Variants in JCAD observed in about 807,000 individuals in gnomAD.
The protein encoded by JCAD is junctional cadherin 5 associated.
A neutral mutation model predicts 98.0 loss-of-function variants in JCAD; 40 were observed. The ratio of observed to expected loss-of-function variants is 0.41; its 90% CI spans 0.32 to 0.53. The LOEUF is 0.53. Among genes scored for constraint, JCAD ranks in the 20% least tolerant of loss-of-function variants. The pLI is 0.31. For synonymous variants in JCAD, 691 were observed against 682.3 expected, an observed-to-expected ratio of 1.01 and a Z score of -0.20; for missense variants, 1,705 against 1,738.1, an observed-to-expected ratio of 0.98 and a Z score of 0.34.
intron 1 of JCAD, among the ~76,000 whole-genome samples, chr10:30,084,025 G>T (rs1210909021): frequency 2.0e-5 from 3 of 147,034 alleles, no homozygotes; most frequent in Non-Finnish European, 4.5e-5. Flanking sequence ...AAAAAAGAAA[G>T]AAAGAGAGAG....
chr10:30,069,158 CT>C (rs1301503217), intron 2 of JCAD, among the ~76,000 whole-genome samples: 2 of 152,120 alleles, frequency 1.3e-5, no homozygotes, highest in African/African-American at 4.8e-5. Flanking sequence ...TGAAACATGT[CT>C]GTTGAATAGA....
intron 2 of JCAD, among the ~76,000 whole-genome samples, chr10:30,030,591 C>T (rs1836971557): frequency 6.6e-6 from 1 of 152,170 alleles, no homozygotes; most frequent in South Asian, 2.1e-4. Context: ...CTTTTAAAAA[C>T]ACTGTTTTTA....
At chr10:30,115,042 C>T (rs1838768153) in intron 1 of JCAD, among the ~76,000 whole-genome samples, 1 of 152,170 alleles carries the variant, frequency 6.6e-6, no homozygotes, top group Admixed American at 6.5e-5. Flanking sequence ...AACCTCAGAG[C>T]CACTGCCCCA....
chr10:30,069,623 A>T (rs989239021), intron 2 of JCAD: 2 of 117,952 alleles, frequency 1.7e-5, no homozygotes, highest in African/African-American at 6.8e-5. Flanking sequence ...AAAAAAAAAC[A>T]CTGTATTAAT....
chr10:30,094,042 C>G (rs1313031474), intron 1 of JCAD, among the ~76,000 whole-genome samples: 1 of 152,106 alleles, frequency 6.6e-6, no homozygotes, highest in East Asian at 1.9e-4. Context: ...ATGGTTGATG[C>G]CGCAGGAAGG....
In JCAD at chr10:30,029,401, T is replaced by G; in HGVS notation, c.747A>C (p.Pro249=). 1 of 1,613,796 alleles carries G rather than the reference T, an allele frequency of 6.2e-7. No homozygotes were observed. Among genetic ancestry groups the G allele is most frequent in the East Asian group, 2.2e-5 (1 of 44,846 alleles). The change falls in exon 3 of 4, where the codon CCA becomes CCC. Residue 249 remains proline (P), a synonymous_variant. Transcript: ENST00000375377. ...ESLSCTEIPI[P]LNERHSPKMP... is the part of the protein sequence containing the mutation. ...TTTTAGGTGAATGTCTTTCATTTAATGGAATGGGAATTTCCGTGCAACTCA... is the reference window on the plus strand; with the variant it reads ...TTTTAGGTGAATGTCTTTCATTTAAGGGAATGGGAATTTCCGTGCAACTCA...
At chr10:30,031,221 G>A (rs1179852006) in intron 2 of JCAD, among the ~76,000 whole-genome samples, 1 of 151,918 alleles carries the variant, frequency 6.6e-6, no homozygotes, top group African/African-American at 2.4e-5. Context: ...CAAACTCCTG[G>A]GCTCAAGCAA....
In JCAD at chr10:30,027,049, T is replaced by TGGGA; in HGVS notation, c.3095_3098dup (p.Leu1034ProfsTer6). 6.2e-7 allele frequency: 1 copy of TGGGA among 1,614,154 alleles called. No homozygotes were observed. Among genetic ancestry groups the TGGGA allele is most frequent in the Non-Finnish European group, 8.5e-7 (1 of 1,180,022 alleles). Reference sequence around the variant, plus strand: ...CTCGGTTCTTGTTAGACAGGGACAGTGGGAGCCCTGCCCCCCTCTCTCCAC... The same window carrying TGGGA: ...CTCGGTTCTTGTTAGACAGGGACAGTGGGAGGGAGCCCTGCCCCCCTCTCTCCAC... On this transcript the variant is annotated frameshift_variant, in exon 3 of 4. Transcript: ENST00000375377. LOFTEE classifies it high-confidence loss of function.
chr10:30,104,125 G>A (rs909619366), intron 1 of JCAD, among the ~76,000 whole-genome samples: 1 of 152,202 alleles, frequency 6.6e-6, no homozygotes, highest in Non-Finnish European at 1.5e-5. Flanking sequence ...CTGGGGGCAT[G>A]TGGCTCATTC....
chr10:30,095,153 C>A (rs1477088570), intron 1 of JCAD, among the ~76,000 whole-genome samples: 1 of 152,118 alleles, frequency 6.6e-6, no homozygotes, highest in Non-Finnish European at 1.5e-5. Context: ...ACTCTGGGTC[C>A]TTCCCTGGTT....
chr10:30,028,140 T>TA lies in JCAD; in HGVS notation c.2007dup (p.Thr670TyrfsTer71), dbSNP rs749261480. On this transcript the variant is annotated frameshift_variant, in exon 3 of 4. Coordinates refer to ENST00000375377, the MANE Select transcript of JCAD (RefSeq NM_020848.4). LOFTEE classifies it high-confidence loss of function. ...GAATGCTTGAGTTCTCTGTGCTTTG[T>TA]AAGGTGGATGAAACTGAGGTCATTT... 1 of 1,614,204 alleles carries TA rather than the reference T, an allele frequency of 6.2e-7. No individual in the cohort carries two copies. The highest frequency in any genetic ancestry group is 8.5e-7 in the Non-Finnish European group (1 of 1,180,030).
At position 30,032,849 on chromosome 10, in the gene JCAD, C is replaced by A. The variant is rs76143516; in HGVS notation, c.282-2983G>T. On this transcript the variant is annotated intron_variant, in intron 2 of 3. Coordinates refer to ENST00000375377, the MANE Select transcript of JCAD (RefSeq NM_020848.4). ...CACGGTGGTTGCTGTGTGCTAGGTCCAAGCCATGTGCTTTCTGCAAACTAA... is the reference window on the plus strand; with the variant it reads ...CACGGTGGTTGCTGTGTGCTAGGTCAAAGCCATGTGCTTTCTGCAAACTAA... Among the ~76,000 whole-genome samples the A allele has an allele frequency of 2.6e-5, 4 of 152,120 alleles. No homozygotes were observed. The East Asian group carries it at 7.7e-4, about 29-fold the overall frequency.
chr10:30,070,848 G>A (rs1406088583), intron 1 of JCAD, among the ~76,000 whole-genome samples: 1 of 152,220 alleles, frequency 6.6e-6, no homozygotes, highest in Non-Finnish European at 1.5e-5. Flanking sequence ...TAAATATGGA[G>A]TTATGGTGGA....
At position 30,075,350 on chromosome 10, in the gene JCAD, G is replaced by A. The variant is rs148043437; in HGVS notation, n.129-5529C>T. 1.5e-4 allele frequency among the ~76,000 whole-genome samples: 23 copies of A among 152,230 alleles called. No homozygotes were observed. The East Asian group carries it at 4.2e-3, about 28-fold the overall frequency. ...AGCTTACATATTGCTTCCAACATGCGTTTAGTTGGGTTTTTTAGGAACAAC... is the reference window on the plus strand; with the variant it reads ...AGCTTACATATTGCTTCCAACATGCATTTAGTTGGGTTTTTTAGGAACAAC... On this transcript the variant is annotated intron_variant and non_coding_transcript_variant, in intron 1 of 2. Coordinates refer to the JCAD transcript ENST00000465712.
At chr10:30,104,486 A>AATACC (rs10690992) in intron 1 of JCAD, among the ~76,000 whole-genome samples, 8,145 of 152,246 alleles carry the variant, frequency 0.053, 635 homozygotes, top group African/African-American at 0.18. Context: ...CAGAAAACCA[A>AATACC]ATATGTTTTC....
chr10:30,018,965 T>G (rs1222128380), intron 3 of JCAD, among the ~76,000 whole-genome samples: 1 of 152,192 alleles, frequency 6.6e-6, no homozygotes, highest in African/African-American at 2.4e-5. Context: ...CACTGCAGCA[T>G]TATTTACAAT....
chr10:30,056,435 C>A (rs186252700), intron 1 of JCAD, among the ~76,000 whole-genome samples: 2 of 152,124 alleles, frequency 1.3e-5, no homozygotes, highest in African/African-American at 4.8e-5. Flanking sequence ...TTCCTAGTAA[C>A]CCCACTGTGC....
At chr10:30,051,860 G>A (rs1750433208) in intron 1 of JCAD, among the ~76,000 whole-genome samples, 1 of 152,160 alleles carries the variant, frequency 6.6e-6, no homozygotes, top group Admixed American at 6.5e-5. Context: ...CAGTGACGAG[G>A]ATAATGATCA....
intron 2 of JCAD, among the ~76,000 whole-genome samples, chr10:30,038,870 G>C (rs1386943600): frequency 6.6e-6 from 1 of 151,998 alleles, no homozygotes; most frequent in Non-Finnish European, 1.5e-5. Flanking sequence ...GGGCTCCTGG[G>C]GCAGCCGCCA....
Sources: allele counts gnomAD v4.1 joint callset (sites outside exome capture counted in the v4.1 genomes callset), GRCh38; gene constraint gnomAD v4.1.1; transcripts MANE v1.5; gene names NCBI Gene and HGNC (gene_info 2026-07-23, HGNC 2026-07-21).